Variants in EPHB1 observed in about 807,000 individuals in gnomAD.
EPHB1 encodes the protein ephrin type-B receptor 1.
A neutral mutation model predicts 94.4 loss-of-function variants in EPHB1; 30 were observed. That is an observed-to-expected ratio of 0.32 (90% CI 0.24 to 0.43). EPHB1 has a LOEUF of 0.43. EPHB1 is among the 20% of genes least tolerant of loss of function. EPHB1 has a pLI of 1.00. For synonymous variants in EPHB1, 522 were observed against 489.1 expected (o/e 1.07, Z -0.89); for missense variants, 1,055 against 1,308.3 (o/e 0.81, Z 2.99).
At chr3:134,890,127 A>AC (rs895090279) in intron 1 of EPHB1, among the ~76,000 whole-genome samples, 10 of 150,502 alleles carry the variant, frequency 6.6e-5, no homozygotes, top group African/African-American at 2.2e-4. Flanking sequence ...CTCAGTCACT[A>AC]CCCCCCCTTC....
At chr3:135,153,019 T>G (rs1413435988) in intron 5 of EPHB1, among the ~76,000 whole-genome samples, 1 of 152,144 alleles carries the variant, frequency 6.6e-6, no homozygotes, top group East Asian at 1.9e-4. Context: ...TCAGAACAAG[T>G]GCTCTGCATC....
chr3:135,070,362 G>A (rs1949846), intron 3 of EPHB1, among the ~76,000 whole-genome samples: 138,314 of 152,210 alleles, frequency 0.91, 63,073 homozygotes, highest in East Asian at 1. Context: ...ATGAAACTCT[G>A]TGAAACCCTA....
Position 135,173,143 on chromosome 3 carries a change from T to C in EPHB1, c.1759+6137T>C, listed in dbSNP as rs998746654. ...TCCGCCTCCCGGGTTCACGCCATTC[T>C]CCTGCCTCAGCCTCCCAAGTAGCTG... On this transcript the variant is annotated intron_variant, in intron 9 of 15. Coordinates refer to ENST00000398015, the MANE Select transcript of EPHB1 (RefSeq NM_004441.5). Among the ~76,000 whole-genome samples, 47 of 150,464 alleles carry C rather than the reference T, an allele frequency of 3.1e-4. 1 individual carries two copies. Among genetic ancestry groups the C allele is most frequent in the Non-Finnish European group, 5.3e-4 (36 of 67,624 alleles).
At chr3:134,897,896 C>T (rs2038117695) in intron 1 of EPHB1, among the ~76,000 whole-genome samples, 1 of 152,162 alleles carries the variant, frequency 6.6e-6, no homozygotes, top group East Asian at 1.9e-4. Flanking sequence ...AGGTTAAAGC[C>T]CTTCCATGGT....
At chr3:135,142,338 A>C (rs1458450329) in intron 5 of EPHB1, among the ~76,000 whole-genome samples, 1 of 152,172 alleles carries the variant, frequency 6.6e-6, no homozygotes, top group Non-Finnish European at 1.5e-5. Flanking sequence ...TTTTCCTCTT[A>C]TGTGGCTTTC....
chr3:135,096,011 C>T (rs947976771), intron 3 of EPHB1, among the ~76,000 whole-genome samples: 31 of 152,296 alleles, frequency 2.0e-4, no homozygotes, highest in Admixed American at 1.4e-3. Context: ...GTCAATTCCA[C>T]GTGGGGAACA....
intron 3 of EPHB1, among the ~76,000 whole-genome samples, chr3:135,000,940 A>G (rs1006380492): frequency 4.0e-5 from 6 of 151,784 alleles, no homozygotes; most frequent in African/African-American, 4.8e-5. Context: ...CTTCCACCTT[A>G]TTTTTCTTTT....
rs539833883 is a variant in EPHB1, at chr3:134,820,832, G to A, written c.58+25143G>A. Among the ~76,000 whole-genome samples the A allele has an allele frequency of 3.4e-4, 52 of 152,296 alleles. 1 individual carries two copies. Among genetic ancestry groups the A allele is most frequent in the Admixed American group, 2.1e-3 (32 of 15,306 alleles). On this transcript the variant is annotated intron_variant, in intron 1 of 15. Transcript: ENST00000398015. ...CAAAAACCAGATACGCTTTAAAAGGGAGAAAGGGTTTGTATTAGTCAGAGT... is the reference window on the plus strand; with the variant it reads ...CAAAAACCAGATACGCTTTAAAAGGAAGAAAGGGTTTGTATTAGTCAGAGT...
intron 13 of EPHB1, among the ~76,000 whole-genome samples, chr3:135,242,570 G>C (rs1943812881): frequency 6.6e-6 from 1 of 152,150 alleles, no homozygotes; most frequent in South Asian, 2.1e-4. Flanking sequence ...AGCCTGGAGT[G>C]GGTGAAATGG....
intron 3 of EPHB1, among the ~76,000 whole-genome samples, chr3:135,074,271 A>G (rs1490528124): frequency 6.6e-6 from 1 of 152,224 alleles, no homozygotes; most frequent in Non-Finnish European, 1.5e-5. Context: ...TTTAAATATC[A>G]TCATGAGCTC....
In EPHB1 at chr3:134,801,394, G is replaced by A. The variant is rs78669349; in HGVS notation, c.58+5705G>A. ...AGTGTCCCCAAAGGAGATGAACCTG[G>A]GACCCCTATGTGTTCTGGGGGCAGC... On this transcript the variant is annotated intron_variant, in intron 1 of 15. Transcript: ENST00000398015. Among the ~76,000 whole-genome samples the A allele has an allele frequency of 5.9e-3, 902 of 152,266 alleles. 6 individuals are homozygous for A. Among genetic ancestry groups the A allele is most frequent in the African/African-American group, 0.021 (858 of 41,556 alleles).
At chr3:135,203,120 G>A (rs137958670) in intron 12 of EPHB1, among the ~76,000 whole-genome samples, 31 of 152,252 alleles carry the variant, frequency 2.0e-4, no homozygotes, top group African/African-American at 6.3e-4. Flanking sequence ...ACACAGGAAC[G>A]GAAAACCAAA....
At chr3:134,805,590 T>A (rs1040339981) in intron 1 of EPHB1, among the ~76,000 whole-genome samples, 5 of 152,064 alleles carry the variant, frequency 3.3e-5, no homozygotes, top group Admixed American at 6.5e-5. Context: ...CAGGTACATG[T>A]GTACACACAC....
At position 135,259,202 on chromosome 3, in the gene EPHB1, C is replaced by T; in HGVS notation, c.*82C>T. On this transcript the variant is annotated 3_prime_UTR_variant, in exon 16 of 16. Coordinates refer to ENST00000398015, the MANE Select transcript of EPHB1 (RefSeq NM_004441.5). ...CAGAGGTTGACCACTGTGGAATGTA[C>T]TGGAGAGACTGGCTTCTCAGCTGAG... is the stretch of plus-strand genomic sequence containing the variant. 3 of 1,049,694 alleles carry T rather than the reference C, an allele frequency of 2.9e-6. No homozygotes were observed. Among genetic ancestry groups the T allele is most frequent in the Non-Finnish European group, 2.8e-6 (2 of 707,544 alleles). The allele number at this position is 1,049,694 out of a possible 1,614,324, so 65.0% of individuals were successfully genotyped here.
rs190943341 is a variant in EPHB1, at chr3:134,801,786, G to A, written c.58+6097G>A. On this transcript the variant is annotated intron_variant, in intron 1 of 15. Coordinates refer to ENST00000398015, the MANE Select transcript of EPHB1 (RefSeq NM_004441.5). ...GGTCAGAGTGCTTAACTATGCTTGG[G>A]TGGGGGGCATTGAGTGGTGAGGTCA... 2.9e-3 allele frequency among the ~76,000 whole-genome samples: 448 copies of A among 152,292 alleles called. 4 individuals are homozygous for A. Among genetic ancestry groups the A allele is most frequent in the African/African-American group, 0.01 (421 of 41,568 alleles).
chr3:135,145,097 T>G (rs1940966710), intron 5 of EPHB1, among the ~76,000 whole-genome samples: 1 of 152,232 alleles, frequency 6.6e-6, no homozygotes, highest in African/African-American at 2.4e-5. Context: ...GGTCTTCTAA[T>G]GTAAAATTCA....
chr3:134,913,587 C>A (rs978241302), intron 1 of EPHB1, among the ~76,000 whole-genome samples: 2 of 152,188 alleles, frequency 1.3e-5, no homozygotes, highest in Admixed American at 6.5e-5. Flanking sequence ...GATTGCTTCC[C>A]AAGAGGAAAC....
intron 2 of EPHB1, among the ~76,000 whole-genome samples, chr3:134,932,374 G>A (rs1697516580): frequency 2.0e-5 from 3 of 152,132 alleles, no homozygotes; most frequent in Admixed American, 6.5e-5. Flanking sequence ...CCCACCTCAA[G>A]TGACTCAGGA....
intron 9 of EPHB1, among the ~76,000 whole-genome samples, chr3:135,177,572 G>A (rs1179282408): frequency 6.6e-6 from 1 of 152,216 alleles, no homozygotes; most frequent in Non-Finnish European, 1.5e-5. Context: ...GAATCTCAGG[G>A]GAATTAGGCC....
Sources: allele counts gnomAD v4.1 joint callset (sites outside exome capture counted in the v4.1 genomes callset), GRCh38; gene constraint gnomAD v4.1.1; transcripts MANE v1.5; gene names NCBI Gene and HGNC (gene_info 2026-07-23, HGNC 2026-07-21).